Variants in TFCP2L1 observed in about 807,000 individuals in gnomAD.
TFCP2L1 encodes transcription factor CP2 like 1.
In TFCP2L1, 12 loss-of-function variants were observed where a neutral mutation model predicts 72.2. The ratio of observed to expected loss-of-function variants is 0.17; its 90% CI spans 0.11 to 0.27. The LOEUF is 0.27. Ranked by LOEUF, TFCP2L1 falls within the 10% of genes least tolerant of loss-of-function variation. The pLI is 1.00. For synonymous variants in TFCP2L1, 260 were observed against 251.0 expected (o/e 1.04, Z -0.34); for missense variants, 488 against 624.6 (o/e 0.78, Z 2.33).
Position 121,268,137 on chromosome 2 carries a change from C to T in TFCP2L1, c.214+12983G>A, listed in dbSNP as rs116724676. Among the ~76,000 whole-genome samples, 293 of 152,236 alleles carry T rather than the reference C, an allele frequency of 1.9e-3. 1 individual carries two copies. The highest frequency in any genetic ancestry group is 6.8e-3 in the African/African-American group (283 of 41,550). ...TCTAAAACAAACAAAAAAACAATAA[C>T]AAAACACACCCCCTATTAATTTATT... On this transcript the variant is annotated intron_variant, in intron 2 of 14. Transcript: ENST00000263707.
chr2:121,250,900 T>C (rs560619664), intron 2 of TFCP2L1, among the ~76,000 whole-genome samples: 3 of 149,894 alleles, frequency 2.0e-5, no homozygotes, highest in South Asian at 4.4e-4. Context: ...CCACCATGCC[T>C]GGCCAGTATT....
At chr2:121,275,110 C>T (rs921326964) in intron 2 of TFCP2L1, among the ~76,000 whole-genome samples, 26 of 151,850 alleles carry the variant, frequency 1.7e-4, no homozygotes, top group East Asian at 7.8e-4. Flanking sequence ...AGAGGCTGGG[C>T]GCGGTGGCTC....
intron 3 of TFCP2L1, 48 bp downstream of exon 3, chr2:121,249,523 A>G (rs1293582328): frequency 6.3e-7 from 1 of 1,592,426 alleles, no homozygotes; most frequent in African/African-American, 1.3e-5. Context: ...CCCAGACCCT[A>G]ATCAAGCCCC....
At position 121,240,658 on chromosome 2, in the gene TFCP2L1, G is replaced by A. The variant is rs1400367381; in HGVS notation, c.769-1009C>T. ...GCTCACCAGGACCTCTCTTCCCAGG[G>A]GCAGTCAGCAGAGGAGCAGAGAGGT... On this transcript the variant is annotated intron_variant, in intron 7 of 14. Coordinates refer to ENST00000263707, the MANE Select transcript of TFCP2L1 (RefSeq NM_014553.3). 4 of 985,286 alleles carry A rather than the reference G, an allele frequency of 4.1e-6. No individual in the cohort carries two copies. The African/African-American group carries it at 5.2e-5, about 13-fold the overall frequency. 61.0% of individuals were successfully genotyped at this position (985,286 alleles called of 1,614,324 possible).
chr2:121,274,481 C>T (rs1687107402), intron 2 of TFCP2L1, among the ~76,000 whole-genome samples: 1 of 152,150 alleles, frequency 6.6e-6, no homozygotes, highest in South Asian at 2.1e-4. Context: ...TTACCTTCAT[C>T]TTATGTGCCT....
At chr2:121,240,549 G>C in intron 7 of TFCP2L1, 1 of 985,452 alleles carries the variant, frequency 1.0e-6, no homozygotes, top group South Asian at 4.7e-5. Context: ...CTGAACAGCT[G>C]ATAGAAGTGG....
rs1018299985 is a variant in TFCP2L1 at position 121,224,214 on chromosome 2, A to G, written c.*127T>C. ...CTGGTTGGTGCTCTGTAGCTTTCAC[A>G]GACTGGGCAGGGTCCCTCCTGGCCT... On this transcript the variant is annotated 3_prime_UTR_variant, in exon 15 of 15. Transcript: ENST00000263707. 9.4e-7 allele frequency: 1 copy of G among 1,063,518 alleles called. No homozygotes were observed. Among genetic ancestry groups the G allele is most frequent in the Non-Finnish European group, 1.4e-6 (1 of 716,748 alleles). 65.9% of individuals were successfully genotyped at this position (1,063,518 alleles called of 1,614,324 possible).
intron 13 of TFCP2L1, 148 bp downstream of exon 13, chr2:121,231,678 G>A (rs964681234): frequency 2.3e-5 from 28 of 1,218,268 alleles, no homozygotes; most frequent in South Asian, 6.0e-5. Context: ...ACTCTCCATC[G>A]CAGCCCCGGA....
At chr2:121,277,186 C>T (rs888484939) in intron 2 of TFCP2L1, among the ~76,000 whole-genome samples, 2 of 152,148 alleles carry the variant, frequency 1.3e-5, no homozygotes, top group Non-Finnish European at 2.9e-5. Flanking sequence ...AAATATCCAA[C>T]TGCATTAACA....
At chr2:121,278,689 GAAGA>G (rs1304462369) in intron 2 of TFCP2L1, among the ~76,000 whole-genome samples, 3 of 121,754 alleles carry the variant, frequency 2.5e-5, no homozygotes, top group Middle Eastern at 6.8e-3. Flanking sequence ...GTCTCAAAAA[GAAGA>G]AAGAAAAAAA....
Position 121,249,630 on chromosome 2 carries a change from G to C in TFCP2L1, c.232C>G (p.Arg78Gly). Reference protein sequence around the residue: ...YLNQGQSYEIRLLENRKLGDF... With the variant: ...YLNQGQSYEIGLLENRKLGDF... ...CCCAGCTTCCGATTCTCCAGTAGTC[G>C]GATTTCATAAGACTGACCTGGATGG... The change falls in exon 3 of 15, where the codon CGA becomes GGA. Residue 78 changes from arginine to glycine, a missense_variant. Arg to Gly is a moderately radical substitution (Grantham distance 125). Coordinates refer to ENST00000263707, the MANE Select transcript of TFCP2L1 (RefSeq NM_014553.3). 6.2e-7 allele frequency: 1 copy of C among 1,614,164 alleles called. No homozygotes were observed. The highest frequency in any genetic ancestry group is 1.3e-5 in the African/African-American group (1 of 75,030).
chr2:121,246,078 G>A (rs1379469544), intron 6 of TFCP2L1, among the ~76,000 whole-genome samples: 3 of 152,276 alleles, frequency 2.0e-5, no homozygotes, highest in Admixed American at 6.5e-5. Flanking sequence ...CTGCTAGAGC[G>A]GCCCCGGCAG....
At chr2:121,237,553 T>C in intron 10 of TFCP2L1, 70 bp downstream of exon 10, 1 of 1,549,782 alleles carries the variant, frequency 6.5e-7, no homozygotes. Context: ...CAGCAAGGCC[T>C]GGAAGGTGGC....
intron 7 of TFCP2L1, chr2:121,240,400 C>T (rs1162034507): frequency 2.0e-6 from 2 of 985,260 alleles, no homozygotes; most frequent in Non-Finnish European, 2.4e-6. Context: ...TGCGATGATG[C>T]CTCTTCAGAG....
chr2:121,226,063 T>C (rs1208438752), intron 13 of TFCP2L1, among the ~76,000 whole-genome samples: 2 of 107,424 alleles, frequency 1.9e-5, no homozygotes, highest in Non-Finnish European at 3.8e-5. Flanking sequence ...TGCCACGGTG[T>C]CTACACACAC....
rs1296854995 is a variant in TFCP2L1, at chr2:121,239,708, A to G, written c.769-59T>C. ...GGAGAGGCGCTGAGCCGTGCTCCCC[A>G]GGTCCTCCCAAGCAGGCATGCACTG... On this transcript the variant is annotated intron_variant, in intron 7 of 14. Transcript: ENST00000263707. The G allele has an allele frequency of 2.0e-6, 3 of 1,520,864 alleles. No individual in the cohort carries two copies. In the South Asian group the frequency reaches 3.6e-5, roughly 18 times the overall value. 94.2% of individuals were successfully genotyped at this position (1,520,864 alleles called of 1,614,324 possible).
At chr2:121,283,499 G>A (rs1687305685) in intron 1 of TFCP2L1, among the ~76,000 whole-genome samples, 1 of 152,102 alleles carries the variant, frequency 6.6e-6, no homozygotes, top group South Asian at 2.1e-4. Context: ...AAGCCAATAT[G>A]GCTTTACAGC....
chr2:121,269,918 A>AAAAAAAAAAAAAAAAAAAAAT, intron 2 of TFCP2L1, among the ~76,000 whole-genome samples: 19 of 115,160 alleles, frequency 1.6e-4, no homozygotes, highest in African/African-American at 4.1e-4. Context: ...AAAAAAAAAA[A>AAAAAAAAAAAAAAAAAAAAAT]ATATATATAT....
At chr2:121,235,574 CTTTTTTTT>C (rs34634906) in intron 10 of TFCP2L1, among the ~76,000 whole-genome samples, 1 of 119,844 alleles carries the variant, frequency 8.3e-6, no homozygotes. Flanking sequence ...TTCTTTCTTT[CTTTTTTTT>C]TTTTTTTTTT....
Sources: gnomAD v4.1 joint callset for allele counts (sites outside exome capture counted in the v4.1 genomes callset) on GRCh38, gnomAD v4.1.1 for gene constraint, MANE v1.5 for transcripts, NCBI Gene and HGNC (gene_info 2026-07-23, HGNC 2026-07-21) for gene names.